Variants in NAALADL2 observed in about 807,000 individuals in gnomAD.
NAALADL2 encodes N-acetylated alpha-linked acidic dipeptidase like 2, also known as inactive N-acetylated-alpha-linked acidic dipeptidase-like protein 2.
Under a neutral mutation model 87.2 loss-of-function variants are expected in NAALADL2, and 76 were observed. The ratio of observed to expected loss-of-function variants is 0.87; its 90% CI spans 0.72 to 1.05. The LOEUF is 1.05. Among genes scored for constraint, NAALADL2 ranks in the 50% least tolerant of loss-of-function variants. The pLI is 0.00. For missense variants in NAALADL2, 1,089 were observed against 945.8 expected (o/e 1.15, Z -1.99); for synonymous variants, 354 against 331.0 (o/e 1.07, Z -0.75).
intron 2 of NAALADL2, among the ~76,000 whole-genome samples, chr3:174,585,183 ACT>A (rs1716567727): frequency 6.6e-6 from 1 of 152,112 alleles, no homozygotes; most frequent in South Asian, 2.1e-4. Flanking sequence ...TACTGCAGAA[ACT>A]CTCAGCGTAG....
chr3:174,853,514 C>T (rs917067051), intron 3 of NAALADL2, among the ~76,000 whole-genome samples: 1 of 151,770 alleles, frequency 6.6e-6, no homozygotes, highest in African/African-American at 2.4e-5. Context: ...CGGAGGCAAC[C>T]AAAGCAAAAG....
intron 9 of NAALADL2, among the ~76,000 whole-genome samples, chr3:175,532,762 T>C (rs1430001354): frequency 6.6e-6 from 1 of 152,208 alleles, no homozygotes; most frequent in African/African-American, 2.4e-5. Flanking sequence ...ATTATTGCCA[T>C]TGTATTTAAA....
chr3:174,877,987 C>G (rs1560313258), intron 1 of NAALADL2, among the ~76,000 whole-genome samples: 1 of 151,962 alleles, frequency 6.6e-6, no homozygotes, highest in Admixed American at 6.6e-5. Flanking sequence ...CTTCCAAAAC[C>G]AGAGTGTACT....
At chr3:174,632,197 T>A (rs1201284591) in intron 2 of NAALADL2, 1 of 152,222 alleles carries the variant, frequency 6.6e-6, no homozygotes, top group Non-Finnish European at 1.5e-5. Context: ...AGACTTAGTT[T>A]CTTCAACGAA....
intron 4 of NAALADL2, among the ~76,000 whole-genome samples, chr3:175,278,925 T>C (rs73045275): frequency 6.6e-6 from 1 of 152,350 alleles, no homozygotes; most frequent in African/African-American, 2.4e-5. Context: ...CATCTTACAA[T>C]GCAACTTCCC....
chr3:174,740,474 G>A (rs1404315466), intron 3 of NAALADL2, among the ~76,000 whole-genome samples: 2 of 151,826 alleles, frequency 1.3e-5, no homozygotes, highest in South Asian at 4.1e-4. Flanking sequence ...AAATCAAAGT[G>A]CCATTGTTTT....
chr3:175,675,829 A>G (rs1734696185), intron 11 of NAALADL2: 2 of 151,836 alleles, frequency 1.3e-5, no homozygotes, highest in Non-Finnish European at 2.9e-5. Context: ...AAATGGTTTT[A>G]TTTTCCTTTT....
chr3:175,168,313 G>T (rs766638672), intron 2 of NAALADL2, among the ~76,000 whole-genome samples: 2 of 151,732 alleles, frequency 1.3e-5, no homozygotes, highest in South Asian at 2.1e-4. Flanking sequence ...TATAATAAAT[G>T]CAAAATTTTA....
At chr3:175,673,887 GAGAT>G (rs1478002592) in intron 11 of NAALADL2, among the ~76,000 whole-genome samples, 5 of 143,690 alleles carry the variant, frequency 3.5e-5, no homozygotes, top group African/African-American at 8.9e-5. Context: ...GTGGAAAATA[GAGAT>G]AGATAAATAT....
intron 5 of NAALADL2, among the ~76,000 whole-genome samples, chr3:175,393,279 T>A (rs1300994367): frequency 1.2e-4 from 2 of 16,052 alleles, no homozygotes; most frequent in Non-Finnish European, 2.0e-4. Flanking sequence ...AGACTCCGTC[T>A]CAAAAAAAAA....
At chr3:174,799,397 G>A (rs192594705) in intron 3 of NAALADL2, among the ~76,000 whole-genome samples, 22 of 152,126 alleles carry the variant, frequency 1.4e-4, no homozygotes, top group Admixed American at 7.9e-4. Flanking sequence ...GGTCTTTCTC[G>A]TGCTGTTCTC....
chr3:175,302,131 C>A (rs959154631), intron 4 of NAALADL2, among the ~76,000 whole-genome samples: 1 of 152,054 alleles, frequency 6.6e-6, no homozygotes, highest in African/African-American at 2.4e-5. Flanking sequence ...CTGAGTTATC[C>A]GATCTATAAT....
At chr3:174,945,213 A>T (rs1399038530) in intron 1 of NAALADL2, among the ~76,000 whole-genome samples, 1 of 152,218 alleles carries the variant, frequency 6.6e-6, no homozygotes, top group Non-Finnish European at 1.5e-5. Context: ...CTCTGAGCCA[A>T]GCACTTTTTC....
At chr3:175,219,820 G>T (rs1353612570) in intron 2 of NAALADL2, among the ~76,000 whole-genome samples, 2 of 147,926 alleles carry the variant, frequency 1.4e-5, no homozygotes, top group Admixed American at 6.7e-5. Flanking sequence ...CCCTCCAATT[G>T]CTGAAGTCTT....
intron 1 of NAALADL2, among the ~76,000 whole-genome samples, chr3:174,911,802 C>T (rs1055174128): frequency 6.6e-6 from 1 of 152,060 alleles, no homozygotes; most frequent in Non-Finnish European, 1.5e-5. Context: ...CAACATCTGA[C>T]AAGTGCCCTT....
chr3:174,896,249 T>A lies in NAALADL2; in HGVS notation c.43+36799T>A, dbSNP rs568701744. 2.6e-5 allele frequency among the ~76,000 whole-genome samples: 4 copies of A among 152,224 alleles called. No individual in the cohort carries two copies. The East Asian group carries it at 7.7e-4, about 29-fold the overall frequency. On this transcript the variant is annotated intron_variant, in intron 1 of 13. Transcript: ENST00000454872. The stretch of plus-strand genomic sequence containing the variant: ...AAAGAAGAAGTCAAATTATCCTTGT[T>A]TGCTGATGCTATGATCTTATATTTG...
chr3:175,391,982 A>T (rs1769134810), intron 5 of NAALADL2, among the ~76,000 whole-genome samples: 1 of 152,170 alleles, frequency 6.6e-6, no homozygotes, highest in Non-Finnish European at 1.5e-5. Flanking sequence ...CAACCTCCCT[A>T]TGAGGTAGGT....
rs574644507 is a variant in NAALADL2, at chr3:175,132,934, G to A, written c.545+35643G>A. Among the ~76,000 whole-genome samples the A allele has an allele frequency of 3.3e-5, 5 of 151,838 alleles. No individual in the cohort carries two copies. In the South Asian group the frequency reaches 6.2e-4, roughly 19 times the overall value. ...GGACTCCTCACTTCTCAGACGGGGC[G>A]GTTGCCAGACAGAGGGTCTCCTCTC... On this transcript the variant is annotated intron_variant, in intron 2 of 13. Transcript: ENST00000454872.
At chr3:174,449,684 A>T (rs1326824806) in intron 1 of NAALADL2, among the ~76,000 whole-genome samples, 2 of 152,242 alleles carry the variant, frequency 1.3e-5, no homozygotes, top group African/African-American at 4.8e-5. Flanking sequence ...GTATATATGA[A>T]ATAGGTATCT....
Sources: gnomAD v4.1 joint callset for allele counts (sites outside exome capture counted in the v4.1 genomes callset) on GRCh38, gnomAD v4.1.1 for gene constraint, MANE v1.5 for transcripts, NCBI Gene and HGNC (gene_info 2026-07-23, HGNC 2026-07-21) for gene names.